ZKSCAN5: variants seen among roughly 807,000 people sequenced by gnomAD.
The protein encoded by ZKSCAN5 is zinc finger protein with KRAB and SCAN domains 5.
ZKSCAN5 carries 28 observed loss-of-function variants against 60.0 expected under a neutral mutation model. The ratio of observed to expected loss-of-function variants is 0.47; its 90% CI spans 0.35 to 0.64. ZKSCAN5 has a LOEUF of 0.64. Among genes scored for constraint, ZKSCAN5 ranks in the 30% least tolerant of loss-of-function variants. ZKSCAN5 has a pLI of 0.01. For synonymous variants in ZKSCAN5, 361 were observed against 371.2 expected (o/e 0.97, Z 0.31); for missense variants, 881 against 1,034.6 (o/e 0.85, Z 2.04).
At chr7:99,506,723 C>G (rs1800749221) in intron 2 of ZKSCAN5, among the ~76,000 whole-genome samples, 1 of 152,196 alleles carries the variant, frequency 6.6e-6, no homozygotes, top group Non-Finnish European at 1.5e-5. Flanking sequence ...CGCTCTGTCG[C>G]CTATGCTGGA....
At chr7:99,521,106 C>G (rs541892176) in intron 5 of ZKSCAN5, among the ~76,000 whole-genome samples, 23 of 152,154 alleles carry the variant, frequency 1.5e-4, no homozygotes, top group African/African-American at 5.5e-4. Flanking sequence ...AGCTTTTAGC[C>G]TTTTTTTAGT....
chr7:99,507,537 ATATATG>A (rs1045398312), intron 2 of ZKSCAN5, among the ~76,000 whole-genome samples: 6 of 143,922 alleles, frequency 4.2e-5, no homozygotes, highest in Admixed American at 1.4e-4. Flanking sequence ...ATGTGTATAT[ATATATG>A]TATATATATG....
chr7:99,530,266 C>T (rs890418906), intron 6 of ZKSCAN5, among the ~76,000 whole-genome samples: 9 of 151,976 alleles, frequency 5.9e-5, no homozygotes, highest in Non-Finnish European at 1.0e-4. Context: ...AACTCCTGAC[C>T]TCAGGTGATC....
chr7:99,518,528 C>G (rs1319084893), intron 3 of ZKSCAN5, among the ~76,000 whole-genome samples: 1 of 152,066 alleles, frequency 6.6e-6, no homozygotes, highest in South Asian at 2.1e-4. Context: ...CCAAGATCCC[C>G]TAGGGGATGT....
rs1221471982 is a variant in ZKSCAN5, at chr7:99,531,291, T to C, written c.1562T>C (p.Ile521Thr). Residue 521 changes from isoleucine to threonine, a missense_variant, in exon 7 of 7, where the codon ATA becomes ACA. Ile to Thr is a moderately conservative substitution (Grantham distance 89, BLOSUM62 -1). Coordinates refer to ENST00000326775, the MANE Select transcript of ZKSCAN5 (RefSeq NM_145102.4). Reference sequence around the variant, plus strand: ...AAGCAGGGAATTCCCATGAAAGAGATACTAGGACAACCATCTTCAAAGAGG... The same window carrying C: ...AAGCAGGGAATTCCCATGAAAGAGACACTAGGACAACCATCTTCAAAGAGG... ...DRKQGIPMKE[I>T]LGQPSSKRMN... 6.2e-7 allele frequency: 1 copy of C among 1,614,082 alleles called. No homozygotes were observed. Among genetic ancestry groups the C allele is most frequent in the Admixed American group, 1.7e-5 (1 of 59,994 alleles).
At chr7:99,517,408 T>C (rs930324650) in intron 3 of ZKSCAN5, among the ~76,000 whole-genome samples, 12 of 150,398 alleles carry the variant, frequency 8.0e-5, no homozygotes, top group East Asian at 2.1e-4. Flanking sequence ...GGGCCAGGCA[T>C]GGTGGCTCAC....
At chr7:99,524,885 G>A (rs1161251916) in intron 5 of ZKSCAN5, among the ~76,000 whole-genome samples, 5 of 151,924 alleles carry the variant, frequency 3.3e-5, no homozygotes, top group African/African-American at 4.8e-5. Flanking sequence ...TTGCCCAGTC[G>A]TGACTGGGCG....
At position 99,526,016 on chromosome 7, in the gene ZKSCAN5, A is replaced by G. The variant is rs1562913820; in HGVS notation, c.976A>G (p.Arg326Gly). Residue 326 changes from arginine to glycine, a missense_variant, in exon 6 of 7, where the codon AGG becomes GGG. This residue lies in a region of ZKSCAN5 where 490 missense variants were observed against 554.5 expected (regional missense o/e 0.88). Coordinates refer to ENST00000326775, the MANE Select transcript of ZKSCAN5 (RefSeq NM_145102.4). ...ATCAAGGCAGAATCCTTCCCAGAAA[A>G]GGGATCTGGATGCAATCACAGACAT... Reference protein sequence around the residue: ...GKSRQNPSQKRDLDAITDISP... With the variant: ...GKSRQNPSQKGDLDAITDISP... The G allele has an allele frequency of 6.2e-7, 1 of 1,614,166 alleles. No homozygotes were observed. Among genetic ancestry groups the G allele is most frequent in the Admixed American group, 1.7e-5 (1 of 60,004 alleles).
intron 2 of ZKSCAN5, among the ~76,000 whole-genome samples, chr7:99,511,201 G>A (rs1801006948): frequency 6.6e-6 from 1 of 152,194 alleles, no homozygotes. Flanking sequence ...CAGAATTCCA[G>A]GTTCTAGAGA....
chr7:99,531,219 T>C lies in ZKSCAN5; in HGVS notation c.1490T>C (p.Val497Ala). The C allele has an allele frequency of 6.2e-7, 1 of 1,614,036 alleles. No individual in the cohort carries two copies. Among genetic ancestry groups the C allele is most frequent in the Non-Finnish European group, 8.5e-7 (1 of 1,180,000 alleles). Residue 497 changes from valine (V) to alanine (A), a missense_variant, in exon 7 of 7, where the codon GTT (valine) becomes GCT (alanine). Physicochemically the swap from Val to Ala is moderately conservative, Grantham distance 64 (BLOSUM62 0). Coordinates refer to ENST00000326775, the MANE Select transcript of ZKSCAN5 (RefSeq NM_145102.4). Reference protein sequence around the residue: ...SGKTQRNVSQVQDFGEGCEFQ... With the variant: ...SGKTQRNVSQAQDFGEGCEFQ... ...AAAACCCAAAGAAATGTTTCTCAAG[T>C]TCAAGATTTTGGAGAAGGCTGTGAG... is the stretch of plus-strand genomic sequence containing the variant.
intron 2 of ZKSCAN5, among the ~76,000 whole-genome samples, chr7:99,511,230 T>C (rs753498526): frequency 1.6e-4 from 24 of 152,152 alleles, no homozygotes; most frequent in Non-Finnish European, 2.4e-4. Context: ...GGCAGAGTAA[T>C]TGTGTATATC....
At chr7:99,514,585 A>G (rs1480870202) in intron 3 of ZKSCAN5, among the ~76,000 whole-genome samples, 1 of 150,558 alleles carries the variant, frequency 6.6e-6, no homozygotes, top group Admixed American at 6.6e-5. Context: ...CATCCTGGGC[A>G]ATGTGGCGAA....
At chr7:99,505,872 T>A (rs1199390601) in intron 1 of ZKSCAN5, 133 bp from the exon 2 acceptor site, 1 of 662,874 alleles carries the variant, frequency 1.5e-6, no homozygotes, top group African/African-American at 1.8e-5. Flanking sequence ...CTTTGTTGAG[T>A]GGTCGTCTTT....
chr7:99,518,821 G>T (rs1283962953), intron 3 of ZKSCAN5, among the ~76,000 whole-genome samples: 1 of 145,350 alleles, frequency 6.9e-6, no homozygotes, highest in East Asian at 2.1e-4. Flanking sequence ...GACTACAGGC[G>T]CCCGCCACCA....
At position 99,531,651 on chromosome 7, in the gene ZKSCAN5, G is replaced by T; in HGVS notation, c.1922G>T (p.Gly641Val). 1 of 1,614,200 alleles carries T rather than the reference G, an allele frequency of 6.2e-7. No individual in the cohort carries two copies. The highest frequency in any genetic ancestry group is 8.5e-7 in the Non-Finnish European group (1 of 1,180,056). ...RPFKCNECGK[G>V]FGRRSHLAGH... is the part of the protein sequence containing the mutation. ...TTCAAGTGTAACGAATGTGGGAAAG[G>T]CTTTGGGAGGCGTTCCCACCTGGCT... Residue 641 changes from glycine to valine, a missense_variant, in exon 7 of 7, where the codon GGC (glycine) becomes GTC (valine). This residue lies in a region of ZKSCAN5 where 112 missense variants were observed against 182.4 expected (regional missense o/e 0.61). Coordinates refer to ENST00000326775, the MANE Select transcript of ZKSCAN5 (RefSeq NM_145102.4).
At chr7:99,526,440 C>G (rs768331580) in intron 6 of ZKSCAN5, 22 bp downstream of exon 6, 12 of 1,583,594 alleles carry the variant, frequency 7.6e-6, no homozygotes, top group Admixed American at 1.7e-5. Flanking sequence ...GAGTTTATAT[C>G]CGGGGGATAA....
chr7:99,519,765 A>G (rs1180692789), intron 3 of ZKSCAN5, 62 bp from the exon 4 acceptor site: 1 of 1,519,566 alleles, frequency 6.6e-7, no homozygotes, highest in South Asian at 1.1e-5. Context: ...TAAGAGGAAC[A>G]TGATGGCAAT....
Position 99,525,951 on chromosome 7 carries a change from G to A in ZKSCAN5, c.911G>A (p.Gly304Asp). 1.2e-6 allele frequency: 2 copies of A among 1,614,022 alleles called. No homozygotes were observed. The highest frequency in any genetic ancestry group is 1.1e-5 in the South Asian group (1 of 91,084). The change falls in exon 6 of 7, where the codon GGC becomes GAC. Residue 304 changes from glycine (G) to aspartate (D), a missense_variant. This residue lies in a region of ZKSCAN5 where 490 missense variants were observed against 554.5 expected (regional missense o/e 0.88). Transcript: ENST00000326775. ...PDFAEVSDLK[G>D]MVQRWQVNPT... ...TTTGCAGAAGTCAGTGACCTTAAAG[G>A]CATGGTACAAAGGTGGCAGGTCAAC...
intron 3 of ZKSCAN5, among the ~76,000 whole-genome samples, chr7:99,514,803 C>T (rs1246658327): frequency 6.6e-6 from 1 of 151,612 alleles, no homozygotes; most frequent in Non-Finnish European, 1.5e-5. Flanking sequence ...AGTAGCTACT[C>T]AGGAGGCTGA....
Sources: gnomAD v4.1 joint callset for allele counts (sites outside exome capture counted in the v4.1 genomes callset) on GRCh38, gnomAD v4.1.1 for gene constraint, gnomAD v4.1.1 regional missense constraint, MANE v1.5 for transcripts, NCBI Gene and HGNC (gene_info 2026-07-23, HGNC 2026-07-21) for gene names.